STAG1: variants seen among roughly 807,000 people sequenced by gnomAD.
The protein encoded by STAG1 is STAG1 cohesin complex component, also known as cohesin subunit SA-1.
STAG1 carries 26 observed loss-of-function variants against 170.9 expected under a neutral mutation model. The observed-to-expected ratio is 0.15, with a 90% CI of 0.11 to 0.21. The LOEUF is 0.21. Ranked by LOEUF, STAG1 falls within the 10% of genes least tolerant of loss-of-function variation. The pLI is 1.00. For synonymous variants in STAG1, 514 were observed against 497.7 expected, an observed-to-expected ratio of 1.03 and a Z score of -0.44; for missense variants, 964 against 1,509.5, an observed-to-expected ratio of 0.64 and a Z score of 5.99.
chr3:136,647,623 A>G (rs557054167), intron 1 of STAG1, among the ~76,000 whole-genome samples: 20 of 152,252 alleles, frequency 1.3e-4, no homozygotes, highest in African/African-American at 4.3e-4. Context: ...AAAAAAAGAT[A>G]TTCTTCTTGT....
chr3:136,468,184 C>CA (rs1264868675), intron 12 of STAG1, among the ~76,000 whole-genome samples: 2 of 151,830 alleles, frequency 1.3e-5, no homozygotes, highest in South Asian at 4.2e-4. Context: ...GATAGAGACA[C>CA]AAAAAACTCT....
intron 1 of STAG1, among the ~76,000 whole-genome samples, chr3:136,640,678 GT>G (rs767145786): frequency 1.6e-3 from 197 of 124,940 alleles, no homozygotes; most frequent in Middle Eastern, 5.3e-3. Flanking sequence ...CTGTTTTGTT[GT>G]TTTTTTTTTT....
chr3:136,453,611 G>C (rs2089013962), intron 13 of STAG1, among the ~76,000 whole-genome samples: 1 of 147,366 alleles, frequency 6.8e-6, no homozygotes, highest in Admixed American at 6.7e-5. Flanking sequence ...AAAAAAAATT[G>C]CTAAAGGTAT....
chr3:136,598,225 T>G (rs1938514400), intron 4 of STAG1, among the ~76,000 whole-genome samples: 1 of 152,170 alleles, frequency 6.6e-6, no homozygotes, highest in Admixed American at 6.5e-5. Context: ...ATTTCTACTT[T>G]TATTATTCCT....
At chr3:136,526,199 T>C (rs928305890) in intron 6 of STAG1, among the ~76,000 whole-genome samples, 1 of 152,212 alleles carries the variant, frequency 6.6e-6, no homozygotes, top group African/African-American at 2.4e-5. Context: ...AGTGGGGTGT[T>C]AAAGCCTCTC....
chr3:136,533,952 T>C (rs569602395), intron 6 of STAG1, among the ~76,000 whole-genome samples: 2 of 151,976 alleles, frequency 1.3e-5, no homozygotes, highest in African/African-American at 4.8e-5. Context: ...AACAAACAAA[T>C]GAACGAAACA....
intron 6 of STAG1, among the ~76,000 whole-genome samples, chr3:136,530,427 T>A (rs1303474173): frequency 6.6e-6 from 1 of 152,178 alleles, no homozygotes; most frequent in Admixed American, 6.5e-5. Flanking sequence ...TTCTCTGAGA[T>A]CAGACAAAAT....
intron 12 of STAG1, among the ~76,000 whole-genome samples, chr3:136,468,836 A>G (rs566177088): frequency 2.0e-3 from 310 of 152,236 alleles, no homozygotes; most frequent in African/African-American, 7.0e-3. Flanking sequence ...TTCAATATAC[A>G]CAAATCAATA....
At chr3:136,742,441 C>A (rs1934715389) in intron 1 of STAG1, among the ~76,000 whole-genome samples, 1 of 152,158 alleles carries the variant, frequency 6.6e-6, no homozygotes, top group Middle Eastern at 3.4e-3. Flanking sequence ...AGGCTGGGCA[C>A]GGTGGCTCAT....
intron 23 of STAG1, among the ~76,000 whole-genome samples, chr3:136,373,338 C>T (rs1447491700): frequency 6.6e-6 from 1 of 152,068 alleles, no homozygotes; most frequent in African/African-American, 2.4e-5. Flanking sequence ...TTTTTTGTGT[C>T]TCTATTTCCT....
At chr3:136,432,035 A>G (rs192570788) in intron 16 of STAG1, among the ~76,000 whole-genome samples, 2 of 152,216 alleles carry the variant, frequency 1.3e-5, no homozygotes, top group Admixed American at 1.3e-4. Context: ...TGGGATTCCC[A>G]TTATACATAT....
At chr3:136,572,022 A>C (rs1391480742) in intron 4 of STAG1, among the ~76,000 whole-genome samples, 1 of 152,072 alleles carries the variant, frequency 6.6e-6, no homozygotes, top group Non-Finnish European at 1.5e-5. Flanking sequence ...ATCTATGCTA[A>C]AAATACCAAC....
At chr3:136,741,125 CA>C (rs2107951203) in intron 1 of STAG1, among the ~76,000 whole-genome samples, 1 of 152,238 alleles carries the variant, frequency 6.6e-6, no homozygotes, top group Non-Finnish European at 1.5e-5. Context: ...TGTCCCAGAG[CA>C]AAAAGCGTAT....
chr3:136,387,016 G>A (rs1237043766), intron 22 of STAG1, among the ~76,000 whole-genome samples: 1 of 151,160 alleles, frequency 6.6e-6, no homozygotes, highest in Non-Finnish European at 1.5e-5. Flanking sequence ...AAAATTTAGT[G>A]ATCAATTTTC....
chr3:136,401,083 C>T (rs1317272389), intron 21 of STAG1, among the ~76,000 whole-genome samples: 4 of 152,066 alleles, frequency 2.6e-5, no homozygotes, highest in Non-Finnish European at 4.4e-5. Flanking sequence ...ACACCAATAC[C>T]CCACCTGTAC....
rs548089657 is a variant in STAG1, at chr3:136,679,500, G to A, written c.-83-48519C>T. On this transcript the variant is annotated intron_variant, in intron 1 of 33. Transcript: ENST00000383202. The stretch of plus-strand genomic sequence containing the variant: ...TCCCAGCACTTTGGGAGGCCCAGGC[G>A]GGCGGATCATGAGGTCAGGAGATCG... Among the ~76,000 whole-genome samples, 124 of 151,980 alleles carry A rather than the reference G, an allele frequency of 8.2e-4. No individual in the cohort carries two copies. The East Asian group carries it at 0.018, about 22-fold the overall frequency.
At chr3:136,346,128 A>C (rs779201651) in intron 29 of STAG1, among the ~76,000 whole-genome samples, 24 of 152,196 alleles carry the variant, frequency 1.6e-4, no homozygotes, top group Non-Finnish European at 2.8e-4. Flanking sequence ...GTCACTGTCT[A>C]TATGTTCCCA....
At chr3:136,745,928 T>C (rs1219174845) in intron 1 of STAG1, among the ~76,000 whole-genome samples, 2 of 152,180 alleles carry the variant, frequency 1.3e-5, no homozygotes, top group African/African-American at 4.8e-5. Context: ...ATGCAGCCCA[T>C]GGGCCACAGG....
At chr3:136,672,714 C>T (rs972686450) in intron 1 of STAG1, among the ~76,000 whole-genome samples, 1 of 152,104 alleles carries the variant, frequency 6.6e-6, no homozygotes, top group African/African-American at 2.4e-5. Flanking sequence ...AACACACACA[C>T]AGAGAGGGGG....
Sources: gnomAD v4.1 joint callset for allele counts (sites outside exome capture counted in the v4.1 genomes callset) on GRCh38, gnomAD v4.1.1 for gene constraint, MANE v1.5 for transcripts, NCBI Gene and HGNC (gene_info 2026-07-23, HGNC 2026-07-21) for gene names.